The following RBFOX1 variants were observed in gnomAD, a reference collection of about 807,000 sequenced individuals.
RBFOX1 encodes RNA binding protein fox-1 homolog 1.
In RBFOX1, 8 loss-of-function variants were observed where a neutral mutation model predicts 57.7. That is an observed-to-expected ratio of 0.14 (90% confidence interval 0.08 to 0.25). The LOEUF is 0.25. RBFOX1 is among the 10% of genes least tolerant of loss of function. The pLI is 1.00. For synonymous variants in RBFOX1, 326 were observed against 222.4 expected, an observed-to-expected ratio of 1.47 and a Z score of -4.15; for missense variants, 611 against 548.5, an observed-to-expected ratio of 1.11 and a Z score of -1.14.
intron 4 of RBFOX1, among the ~76,000 whole-genome samples, chr16:5,926,371 T>G (rs865850394): frequency 6.6e-5 from 10 of 152,124 alleles, no homozygotes; most frequent in Non-Finnish European, 1.0e-4. Flanking sequence ...CTTAATCAGC[T>G]TCCTAGGGAG....
rs183096704 is a variant in RBFOX1 at position 7,137,381 on chromosome 16, T to C, written c.27+85283T>C. On this transcript the variant is annotated intron_variant, in intron 4 of 15. Transcript: ENST00000550418. ...GTGGGAGATAATCGAATTGTGGGGG[T>C]AGTTTCCCCCATACTGTTCTCGTGG... 5.4e-3 allele frequency among the ~76,000 whole-genome samples: 825 copies of C among 152,192 alleles called. 35 individuals carry two copies. The highest frequency in any genetic ancestry group is 0.05 in the Admixed American group (762 of 15,294).
At chr16:7,030,934 T>C (rs895322297) in intron 3 of RBFOX1, among the ~76,000 whole-genome samples, 2 of 152,204 alleles carry the variant, frequency 1.3e-5, no homozygotes, top group Non-Finnish European at 2.9e-5. Context: ...GGAATGTGGG[T>C]ATTTATCTTG....
chr16:7,439,945 C>CTTTTTTTTTTTTTTTTTTTT (rs1223191346), intron 4 of RBFOX1, among the ~76,000 whole-genome samples: 3 of 113,394 alleles, frequency 2.6e-5, no homozygotes, highest in Non-Finnish European at 1.9e-5. Flanking sequence ...CAAATCTTTT[C>CTTTTTTTTTTTTTTTTTTTT]TTTCTTTTTT....
At chr16:6,428,053 C>A (rs1251635867) in intron 2 of RBFOX1, among the ~76,000 whole-genome samples, 2 of 152,074 alleles carry the variant, frequency 1.3e-5, no homozygotes, top group Non-Finnish European at 2.9e-5. Flanking sequence ...GAGGCCGAGG[C>A]AGGCAAATCA....
In RBFOX1 at chr16:6,747,440, CAGTT is replaced by C. The variant is rs1159487575; in HGVS notation, c.-16+92794_-16+92797del. Among the ~76,000 whole-genome samples the C allele has an allele frequency of 4.3e-3, 582 of 135,668 alleles. 2 individuals carry two copies. The highest frequency in any genetic ancestry group is 0.015 in the African/African-American group (549 of 35,964). The allele number at this position is 135,668 out of a possible 152,430, so 89.0% of individuals were successfully genotyped here. A position where few individuals can be genotyped will look rare whatever the true frequency, so the allele number is the denominator to read the frequency against. On this transcript the variant is annotated intron_variant, in intron 3 of 15. Transcript: ENST00000550418. ...AAAAAAAATCTATCAGTCAGTCAGT[CAGTT>C]AGTCTGTCTGTCTGTCTGTCTGTCT...
At chr16:5,810,854 T>C (rs1484641353) in intron 3 of RBFOX1, among the ~76,000 whole-genome samples, 1 of 152,138 alleles carries the variant, frequency 6.6e-6, no homozygotes, top group Non-Finnish European at 1.5e-5. Flanking sequence ...TGTTCTCTTG[T>C]TTAGAAAAAA....
chr16:5,728,568 G>A (rs2052240011), intron 3 of RBFOX1, among the ~76,000 whole-genome samples: 1 of 152,048 alleles, frequency 6.6e-6, no homozygotes, highest in South Asian at 2.1e-4. Context: ...GTAGGGAAAG[G>A]CGGGAACACC....
Position 7,461,884 on chromosome 16 carries a change from G to A in RBFOX1, c.28-56263G>A, listed in dbSNP as rs920690494. On this transcript the variant is annotated intron_variant, in intron 4 of 15. Coordinates refer to ENST00000550418, the MANE Select transcript of RBFOX1 (RefSeq NM_018723.4). Reference sequence around the variant, plus strand: ...GTGACTGTGAGAGCCCTCAGTATCAGACCATCCTTGGTACCCACTCCAGAG... The same window carrying A: ...GTGACTGTGAGAGCCCTCAGTATCAAACCATCCTTGGTACCCACTCCAGAG... 1.8e-4 allele frequency among the ~76,000 whole-genome samples: 28 copies of A among 152,250 alleles called. 1 individual carries two copies. The highest frequency in any genetic ancestry group is 1.6e-3 in the Admixed American group (24 of 15,294).
chr16:7,283,205 T>G (rs796521954), intron 4 of RBFOX1, among the ~76,000 whole-genome samples: 12 of 152,058 alleles, frequency 7.9e-5, no homozygotes, highest in African/African-American at 2.9e-4. Flanking sequence ...GGTTAAGCAT[T>G]TTGACTTTGT....
intron 1 of RBFOX1, among the ~76,000 whole-genome samples, chr16:5,242,074 AC>A (rs2062182139): frequency 6.6e-6 from 1 of 152,116 alleles, no homozygotes; most frequent in Admixed American, 6.6e-5. Flanking sequence ...TCATCATGCC[AC>A]TGCACTCCAG....
chr16:7,040,346 C>A (rs35396907), intron 3 of RBFOX1, among the ~76,000 whole-genome samples: 14,347 of 152,124 alleles, frequency 0.094, 1,115 homozygotes, highest in East Asian at 0.32. Context: ...CCATTAATCA[C>A]ATACTTACTA....
At chr16:6,935,062 G>C (rs56171169) in intron 3 of RBFOX1, among the ~76,000 whole-genome samples, 18,256 of 151,846 alleles carry the variant, frequency 0.12, 1,229 homozygotes, top group East Asian at 0.16. Context: ...CTGCACTCCA[G>C]CCTGCGTGAC....
At chr16:6,871,531 A>C (rs1483775134) in intron 3 of RBFOX1, among the ~76,000 whole-genome samples, 1 of 152,028 alleles carries the variant, frequency 6.6e-6, no homozygotes, top group African/African-American at 2.4e-5. Flanking sequence ...CCTCATGCCC[A>C]GAGATCAACT....
chr16:6,344,398 C>CTTTTTTTTTTTT (rs1176288797), intron 2 of RBFOX1, among the ~76,000 whole-genome samples: 10 of 71,944 alleles, frequency 1.4e-4, no homozygotes, highest in African/African-American at 1.1e-3. Context: ...CTTCTTTTTT[C>CTTTTTTTTTTTT]TTTTTTTTCT....
chr16:7,374,706 C>A (rs1193912445), intron 4 of RBFOX1, among the ~76,000 whole-genome samples: 1 of 152,210 alleles, frequency 6.6e-6, no homozygotes, highest in Non-Finnish European at 1.5e-5. Flanking sequence ...CTTTTGTCTT[C>A]AACACGTACT....
intron 4 of RBFOX1, among the ~76,000 whole-genome samples, chr16:7,125,814 G>A (rs927676337): frequency 6.6e-6 from 1 of 152,138 alleles, no homozygotes; most frequent in Non-Finnish European, 1.5e-5. Flanking sequence ...CAGGCGAAGT[G>A]CCTCACACCT....
intron 4 of RBFOX1, among the ~76,000 whole-genome samples, chr16:7,105,680 ATCTG>A (rs1174003591): frequency 2.0e-5 from 3 of 152,092 alleles, no homozygotes; most frequent in South Asian, 2.1e-4. Context: ...CATCATATCT[ATCTG>A]TCTATCTCTC....
chr16:7,217,009 T>TCCCTTCC (rs2092166155), intron 4 of RBFOX1, among the ~76,000 whole-genome samples: 17 of 16,792 alleles, frequency 1.0e-3, no homozygotes, highest in East Asian at 3.7e-3. Flanking sequence ...CCTCCCTCCC[T>TCCCTTCC]TCCCTCCCTC....
chr16:7,388,241 T>A (rs2097917760), intron 4 of RBFOX1, among the ~76,000 whole-genome samples: 1 of 152,186 alleles, frequency 6.6e-6, no homozygotes, highest in South Asian at 2.1e-4. Context: ...GTGTGATGGA[T>A]GCAGCACTCG....
Sources: gnomAD v4.1 joint callset for allele counts (sites outside exome capture counted in the v4.1 genomes callset) on GRCh38, gnomAD v4.1.1 for gene constraint, MANE v1.5 for transcripts, NCBI Gene and HGNC (gene_info 2026-07-23, HGNC 2026-07-21) for gene names.